Variants in KCND2 observed in about 807,000 individuals in gnomAD.
KCND2 encodes A-type voltage-gated potassium channel KCND2.
KCND2 carries 16 observed loss-of-function variants against 54.4 expected under a neutral mutation model. The ratio of observed to expected loss-of-function variants is 0.29; its 90% CI spans 0.20 to 0.45. The LOEUF is 0.45. Among genes scored for constraint, KCND2 ranks in the 20% least tolerant of loss-of-function variants. The pLI is 1.00. For synonymous variants in KCND2, 317 were observed against 310.7 expected (o/e 1.02, Z -0.21); for missense variants, 486 against 824.2 (o/e 0.59, Z 5.02).
Position 120,347,558 on chromosome 7 carries a change from G to T in KCND2, c.1115+71811G>T, listed in dbSNP as rs183926338. 4.2e-4 allele frequency among the ~76,000 whole-genome samples: 64 copies of T among 152,092 alleles called. No homozygotes were observed. The East Asian group carries it at 0.012, about 29-fold the overall frequency. ...GGATCACCTGAGGTTAGGAGTTCGA[G>T]ACCAGCCTGGCCAACATGGTGAAAC... On this transcript the variant is annotated intron_variant, in intron 1 of 5. Coordinates refer to ENST00000331113, the MANE Select transcript of KCND2 (RefSeq NM_012281.3).
At chr7:120,289,454 A>G (rs1799403511) in intron 1 of KCND2, among the ~76,000 whole-genome samples, 1 of 152,128 alleles carries the variant, frequency 6.6e-6, no homozygotes, top group African/African-American at 2.4e-5. Flanking sequence ...CCAAGAACAA[A>G]CAACAATAGA....
intron 1 of KCND2, among the ~76,000 whole-genome samples, chr7:120,597,728 C>G (rs1792763324): frequency 6.6e-6 from 1 of 152,140 alleles, no homozygotes; most frequent in South Asian, 2.1e-4. Context: ...TCCTAAAGAT[C>G]TTGGGAGAGT....
intron 1 of KCND2, among the ~76,000 whole-genome samples, chr7:120,381,010 C>T (rs1425630972): frequency 6.6e-6 from 1 of 152,034 alleles, no homozygotes; most frequent in Non-Finnish European, 1.5e-5. Context: ...GGGTTGGTGG[C>T]TCACACCTGT....
At chr7:120,572,660 G>C (rs1166379370) in intron 1 of KCND2, among the ~76,000 whole-genome samples, 1 of 152,110 alleles carries the variant, frequency 6.6e-6, no homozygotes, top group Non-Finnish European at 1.5e-5. Flanking sequence ...TGGAATTACA[G>C]GTGTGAGCCG....
chr7:120,536,645 C>A (rs550772605), intron 1 of KCND2, among the ~76,000 whole-genome samples: 1 of 152,272 alleles, frequency 6.6e-6, no homozygotes, highest in Admixed American at 6.5e-5. Context: ...CAAGAAACTA[C>A]TCTTTTGCTC....
chr7:120,653,974 G>A (rs373260100), intron 1 of KCND2, among the ~76,000 whole-genome samples: 3 of 152,092 alleles, frequency 2.0e-5, no homozygotes, highest in Admixed American at 6.5e-5. Flanking sequence ...GTTTTTGAGC[G>A]TTTTCTCTCT....
chr7:120,323,056 T>G (rs1214253462), intron 1 of KCND2, among the ~76,000 whole-genome samples: 3 of 152,134 alleles, frequency 2.0e-5, no homozygotes, highest in Non-Finnish European at 2.9e-5. Flanking sequence ...GGTATACATG[T>G]GCTATGGTGG....
rs1355545723 is a variant in KCND2 at position 120,687,675 on chromosome 7, C to A, written c.1116-45228C>A. On this transcript the variant is annotated intron_variant, in intron 1 of 5. Transcript: ENST00000331113. ...TAAAAAGAAAAACAACATAAAAAAA[C>A]CCCATCATGTTGTACATAATAAACA... Among the ~76,000 whole-genome samples the A allele has an allele frequency of 4.6e-5, 7 of 152,062 alleles. No homozygotes were observed. The East Asian group carries it at 7.7e-4, about 17-fold the overall frequency.
intron 1 of KCND2, among the ~76,000 whole-genome samples, chr7:120,407,445 C>A (rs901901795): frequency 6.6e-6 from 1 of 152,008 alleles, no homozygotes; most frequent in African/African-American, 2.4e-5. Context: ...AAGGGAGAGG[C>A]AGGCATACTG....
chr7:120,520,409 A>G (rs1172110882), intron 1 of KCND2, among the ~76,000 whole-genome samples: 2 of 152,174 alleles, frequency 1.3e-5, no homozygotes, highest in African/African-American at 4.8e-5. Flanking sequence ...ATCTCACTGT[A>G]TCTATATGTA....
At chr7:120,310,765 C>T (rs1260469503) in intron 1 of KCND2, among the ~76,000 whole-genome samples, 3 of 151,684 alleles carry the variant, frequency 2.0e-5, no homozygotes, top group Admixed American at 6.6e-5. Flanking sequence ...GGTGAAACCC[C>T]ATCTGTACTA....
chr7:120,357,330 G>A (rs975927743), intron 1 of KCND2, among the ~76,000 whole-genome samples: 10 of 152,144 alleles, frequency 6.6e-5, no homozygotes, highest in Non-Finnish European at 1.3e-4. Context: ...AGGATTTTAT[G>A]ACTCCCAAGT....
chr7:120,373,272 A>G (rs1766364830), intron 1 of KCND2, among the ~76,000 whole-genome samples: 1 of 151,842 alleles, frequency 6.6e-6, no homozygotes, highest in Admixed American at 6.6e-5. Flanking sequence ...AGGTAGTAGA[A>G]TACAATAATC....
At chr7:120,494,019 T>G (rs1248636572) in intron 1 of KCND2, among the ~76,000 whole-genome samples, 1 of 152,110 alleles carries the variant, frequency 6.6e-6, no homozygotes, top group East Asian at 1.9e-4. Flanking sequence ...AAATGAAAAG[T>G]GTCATTTGAT....
intron 1 of KCND2, among the ~76,000 whole-genome samples, chr7:120,719,752 G>A (rs538438289): frequency 3.9e-5 from 6 of 152,092 alleles, no homozygotes; most frequent in Admixed American, 6.6e-5. Flanking sequence ...AGTTGAACCC[G>A]GAATAGTATT....
intron 1 of KCND2, among the ~76,000 whole-genome samples, chr7:120,721,659 A>G (rs988239840): frequency 2.6e-5 from 4 of 152,170 alleles, no homozygotes; most frequent in African/African-American, 9.7e-5. Context: ...AGCTGTGACT[A>G]TTTACATGAA....
At chr7:120,745,160 C>T (rs941590067) in intron 4 of KCND2, among the ~76,000 whole-genome samples, 1 of 152,120 alleles carries the variant, frequency 6.6e-6, no homozygotes, top group African/African-American at 2.4e-5. Context: ...CTGGGTCGAA[C>T]ACAGAGTGAC....
chr7:120,407,370 G>T (rs571253885), intron 1 of KCND2, among the ~76,000 whole-genome samples: 17 of 152,078 alleles, frequency 1.1e-4, no homozygotes, highest in Non-Finnish European at 1.9e-4. Context: ...AGAGCTCATA[G>T]TGTAGTTATA....
intron 1 of KCND2, among the ~76,000 whole-genome samples, chr7:120,396,505 A>G (rs1188268444): frequency 1.3e-5 from 2 of 151,944 alleles, no homozygotes; most frequent in Non-Finnish European, 2.9e-5. Flanking sequence ...TTTCTTTTTT[A>G]ATAGGAGATT....
Sources: gnomAD v4.1 joint callset for allele counts (sites outside exome capture counted in the v4.1 genomes callset) on GRCh38, gnomAD v4.1.1 for gene constraint, MANE v1.5 for transcripts, NCBI Gene and HGNC (gene_info 2026-07-23, HGNC 2026-07-21) for gene names.